SYNE1: variants seen among roughly 807,000 people sequenced by gnomAD.
The protein encoded by SYNE1 is spectrin repeat containing nuclear envelope protein 1.
SYNE1 carries 616 observed loss-of-function variants against 1,111.0 expected under a neutral mutation model. The ratio of observed to expected loss-of-function variants is 0.55; its 90% CI spans 0.52 to 0.59. The LOEUF is 0.59. SYNE1 is among the 20% of genes least tolerant of loss of function. SYNE1 has a pLI of 0.00. For synonymous variants in SYNE1, 3,855 were observed against 3,825.8 expected, an observed-to-expected ratio of 1.01 and a Z score of -0.28; for missense variants, 10,006 against 10,417.0, an observed-to-expected ratio of 0.96 and a Z score of 1.72.
In SYNE1 at chr6:152,301,852, A is replaced by G; in HGVS notation, c.17541+17T>C. ...CCAGTCAAAGAGCAAAGCCGCGGGG[A>G]CCCACTGGATCCTTACCATGACCAC... On this transcript the variant is annotated intron_variant, in intron 92 of 145. Transcript: ENST00000367255. 1 of 1,595,622 alleles carries G rather than the reference A, an allele frequency of 6.3e-7. No individual in the cohort carries two copies. The highest frequency in any genetic ancestry group is 8.6e-7 in the Non-Finnish European group (1 of 1,168,294).
At chr6:152,377,208 C>A (rs779131043) in intron 56 of SYNE1, among the ~76,000 whole-genome samples, 2 of 151,970 alleles carry the variant, frequency 1.3e-5, no homozygotes, top group Non-Finnish European at 2.9e-5. Flanking sequence ...GAAAAAATAG[C>A]CTACATTGTC....
intron 18 of SYNE1, chr6:152,465,047 G>A (rs2098756255): frequency 3.3e-6 from 2 of 600,592 alleles, no homozygotes; most frequent in African/African-American, 1.8e-5. Context: ...CCCCTTTGCT[G>A]CCCATTGGAT....
intron 127 of SYNE1, among the ~76,000 whole-genome samples, chr6:152,200,421 TAC>T (rs1438173009): frequency 1.3e-5 from 2 of 152,220 alleles, no homozygotes; most frequent in Non-Finnish European, 2.9e-5. Flanking sequence ...TTTATTTTTT[TAC>T]AGACAGGGTC....
intron 21 of SYNE1, among the ~76,000 whole-genome samples, chr6:152,459,936 A>G (rs2098721348): frequency 6.6e-6 from 1 of 152,196 alleles, no homozygotes; most frequent in Non-Finnish European, 1.5e-5. Context: ...TGCCTGAAGT[A>G]TACACTCATC....
intron 64 of SYNE1, among the ~76,000 whole-genome samples, chr6:152,361,512 A>G (rs1266654544): frequency 6.6e-6 from 1 of 152,202 alleles, no homozygotes; most frequent in Non-Finnish European, 1.5e-5. Flanking sequence ...CACTGAGAAT[A>G]ATGAGGTTTC....
rs2099512103 is a variant in SYNE1 at position 152,579,492 on chromosome 6, C to T, written c.68-39471G>A. Among the ~76,000 whole-genome samples, 5 of 152,124 alleles carry T rather than the reference C, an allele frequency of 3.3e-5. No homozygotes were observed. In the South Asian group the frequency reaches 1.0e-3, roughly 32 times the overall value. The stretch of plus-strand genomic sequence containing the variant: ...TTCCAGCCACCAGCATTTTCTTTTC[C>T]TTTCTTATTGTGTCACTTTTTTTTC... On this transcript the variant is annotated intron_variant, in intron 3 of 145. Coordinates refer to ENST00000367255, the MANE Select transcript of SYNE1 (RefSeq NM_182961.4).
chr6:152,315,093 T>G (rs1052794722), intron 87 of SYNE1: 1 of 151,504 alleles, frequency 6.6e-6, no homozygotes, highest in African/African-American at 2.4e-5. Context: ...TAAGTTTTCT[T>G]TAAACTTTCA....
chr6:152,506,521 C>T (rs1169432025), intron 8 of SYNE1, among the ~76,000 whole-genome samples: 2 of 151,516 alleles, frequency 1.3e-5, no homozygotes, highest in Non-Finnish European at 2.9e-5. Flanking sequence ...TTGTAAGTGT[C>T]CATTATTATT....
intron 9 of SYNE1, among the ~76,000 whole-genome samples, chr6:152,503,712 A>G (rs564267714): frequency 2.6e-5 from 4 of 152,314 alleles, no homozygotes; most frequent in South Asian, 4.1e-4. Context: ...AACTCACACT[A>G]TTTAAAAGGA....
At chr6:152,153,366 C>A (rs1261320273) in intron 133 of SYNE1, among the ~76,000 whole-genome samples, 1 of 152,160 alleles carries the variant, frequency 6.6e-6, no homozygotes, top group East Asian at 1.9e-4. Context: ...CCATCCCAAA[C>A]GTTCATGCGA....
chr6:152,525,119 A>G (rs754517003), intron 5 of SYNE1, among the ~76,000 whole-genome samples: 1 of 152,188 alleles, frequency 6.6e-6, no homozygotes. Flanking sequence ...TGGGAATCCA[A>G]TTACTTAAAC....
chr6:152,486,815 T>C (rs1454176639), intron 12 of SYNE1, among the ~76,000 whole-genome samples: 1 of 152,246 alleles, frequency 6.6e-6, no homozygotes, highest in African/African-American at 2.4e-5. Context: ...GATACAATTA[T>C]ATAAAATCAC....
chr6:152,318,897 G>A lies in SYNE1; in HGVS notation c.16355C>T (p.Thr5452Ile), dbSNP rs572786112. Residue 5452 changes from threonine (T) to isoleucine (I), a missense_variant, in exon 85 of 146, where the codon ACA (threonine) becomes ATA (isoleucine). Transcript: ENST00000367255. Reference protein sequence around the residue: ...TTILTKLKAKTDNVVQAKTDQ... With the variant: ...TTILTKLKAKIDNVVQAKTDQ... Reference sequence around the variant, plus strand: ...AGTTTTAGCTTGAACTACATTATCTGTCTTCGCTTTCAGCTTAGTTAGAAT... The same window carrying A: ...AGTTTTAGCTTGAACTACATTATCTATCTTCGCTTTCAGCTTAGTTAGAAT... 8 of 1,614,022 alleles carry A rather than the reference G, an allele frequency of 5.0e-6. No individual in the cohort carries two copies. The highest frequency in any genetic ancestry group is 1.3e-5 in the African/African-American group (1 of 74,924).
At chr6:152,218,777 G>A (rs2079365644) in intron 120 of SYNE1, among the ~76,000 whole-genome samples, 1 of 152,182 alleles carries the variant, frequency 6.6e-6, no homozygotes, top group African/African-American at 2.4e-5. Context: ...GCAGGCATTG[G>A]TTCAGGGGCT....
rs185222942 is a variant in SYNE1, at chr6:152,252,186, T to A, written c.19470+2694A>T. 2.0e-3 allele frequency among the ~76,000 whole-genome samples: 309 copies of A among 152,066 alleles called. 1 individual carries two copies. The highest frequency in any genetic ancestry group is 7.1e-3 in the African/African-American group (295 of 41,476). On this transcript the variant is annotated intron_variant, in intron 104 of 145. Coordinates refer to ENST00000367255, the MANE Select transcript of SYNE1 (RefSeq NM_182961.4). Reference sequence around the variant, plus strand: ...ACTTGGGAAGCTGAGGCAGAAGAATTGTTTGAACACGGGAGGCAGAGGTTG... The same window carrying A: ...ACTTGGGAAGCTGAGGCAGAAGAATAGTTTGAACACGGGAGGCAGAGGTTG...
intron 126 of SYNE1, among the ~76,000 whole-genome samples, chr6:152,205,421 G>A (rs1366493547): frequency 6.6e-6 from 1 of 152,192 alleles, no homozygotes; most frequent in Non-Finnish European, 1.5e-5. Context: ...GCCACATGGA[G>A]GTGGTGAAAT....
At chr6:152,153,443 A>C (rs1006183794) in intron 133 of SYNE1, among the ~76,000 whole-genome samples, 1 of 152,256 alleles carries the variant, frequency 6.6e-6, no homozygotes, top group Non-Finnish European at 1.5e-5. Flanking sequence ...TCTCTTAAGA[A>C]AATTAACTAC....
intron 3 of SYNE1, among the ~76,000 whole-genome samples, chr6:152,627,891 G>A (rs7744715): frequency 0.68 from 102,782 of 151,930 alleles, 34,856 homozygotes; most frequent in Non-Finnish European, 0.71. Context: ...ATAGCTATAT[G>A]TCCACAACTT....
intron 16 of SYNE1, among the ~76,000 whole-genome samples, chr6:152,468,709 T>G (rs774888731): frequency 5.3e-5 from 8 of 152,142 alleles, no homozygotes; most frequent in South Asian, 2.1e-4. Flanking sequence ...TACGGAAAAT[T>G]TATGGCCTGA....
Sources: gnomAD v4.1 joint callset for allele counts (sites outside exome capture counted in the v4.1 genomes callset) on GRCh38, gnomAD v4.1.1 for gene constraint, MANE v1.5 for transcripts, NCBI Gene and HGNC (gene_info 2026-07-23, HGNC 2026-07-21) for gene names.